Variants in MRPL43 observed in about 807,000 individuals in gnomAD.
MRPL43 encodes the protein large ribosomal subunit protein mL43.
A neutral mutation model predicts 12.7 loss-of-function variants in MRPL43; 9 were observed. The observed-to-expected ratio is 0.71, with a 90% confidence interval of 0.43 to 1.24. MRPL43 has a LOEUF of 1.24. MRPL43 is among the 50% of genes most tolerant of loss of function. The probability of loss-of-function intolerance (pLI) is 0.00; values close to 1 mark genes in which losing one functional copy is unlikely to be tolerated. For synonymous variants in MRPL43, 116 were observed against 96.4 expected (o/e 1.20, Z -1.19); for missense variants, 211 against 229.2 (o/e 0.92, Z 0.51).
downstream of MRPL43, chr10:100,980,112 C>A: frequency 6.2e-7 from 1 of 1,614,074 alleles, no homozygotes; most frequent in Non-Finnish European, 8.5e-7. Context: ...ACCTTCGTCC[C>A]CCACGCCAGT....
chr10:100,984,429 T>C (rs781060343), downstream of MRPL43: 48 of 1,488,140 alleles, frequency 3.2e-5, no homozygotes, highest in South Asian at 6.6e-5. Flanking sequence ...TAAACACTTA[T>C]AGGTGAGGAC....
chr10:100,977,917 C>T (rs1451589669), downstream of MRPL43: 1 of 598,612 alleles, frequency 1.7e-6, no homozygotes. Flanking sequence ...AAAAACCATG[C>T]AGTTTTTATA....
downstream of MRPL43, chr10:100,981,605 A>T (rs1184584347): frequency 1.3e-6 from 2 of 1,585,426 alleles, no homozygotes; most frequent in East Asian, 4.5e-5. Flanking sequence ...ACTGTGTGCC[A>T]GACACTGATC....
At chr10:100,983,405 C>CA, downstream of MRPL43, 1 of 1,612,406 alleles carries the variant, frequency 6.2e-7, no homozygotes, top group Non-Finnish European at 8.5e-7. Flanking sequence ...TGTGGCTACT[C>CA]AATGGGAGCA....
At chr10:100,984,745 C>A (rs867056759), downstream of MRPL43, 51 of 1,536,164 alleles carry the variant, frequency 3.3e-5, no homozygotes, top group African/African-American at 5.6e-4. Flanking sequence ...TGGTCCTCTT[C>A]CCCAGCCCCA....
downstream of MRPL43, chr10:100,980,837 G>A (rs1353345900): frequency 6.3e-7 from 1 of 1,580,010 alleles, no homozygotes; most frequent in East Asian, 2.2e-5. Flanking sequence ...CCTCTATGTG[G>A]GGGCTCCTAG....
At chr10:100,981,686 C>T, downstream of MRPL43, 2 of 1,032,768 alleles carry the variant, frequency 1.9e-6, no homozygotes, top group Non-Finnish European at 2.8e-6. Flanking sequence ...TATTATTATC[C>T]CCATGAGGGA....
At chr10:100,987,288 C>T in intron 1 of MRPL43, 25 bp downstream of exon 1, 1 of 1,611,882 alleles carries the variant, frequency 6.2e-7, no homozygotes, top group Non-Finnish European at 8.5e-7. Flanking sequence ...CCCCGACCCG[C>T]GCCTGCGCAC....
At chr10:100,979,137 G>A (rs766970037), downstream of MRPL43, 5 of 1,614,072 alleles carry the variant, frequency 3.1e-6, no homozygotes, top group Non-Finnish European at 4.2e-6. Context: ...TGCAGAAGAA[G>A]TGGACTTCCT....
downstream of MRPL43, chr10:100,984,433 T>G (rs1851317720): frequency 4.7e-6 from 7 of 1,492,828 alleles, no homozygotes; most frequent in Middle Eastern, 2.2e-4. Flanking sequence ...CACTTATAGG[T>G]GAGGACTCCA....
Position 100,987,488 on chromosome 10 carries a change from G to T in MRPL43, c.-45C>A. Reference sequence around the variant, plus strand: ...CGGAGCCTAAGCAGCGAGGAGAGGGGGGCGGGACTAAACCTCGAGGCTTCC... The same window carrying T: ...CGGAGCCTAAGCAGCGAGGAGAGGGTGGCGGGACTAAACCTCGAGGCTTCC... On this transcript the variant is annotated 5_prime_UTR_variant, in exon 1 of 3. Transcript: ENST00000318364. 6.2e-7 allele frequency: 1 copy of T among 1,600,690 alleles called. No homozygotes were observed. The highest frequency in any genetic ancestry group is 8.5e-7 in the Non-Finnish European group (1 of 1,174,130).
downstream of MRPL43, chr10:100,980,921 C>T (rs1449228698): frequency 6.2e-7 from 1 of 1,612,256 alleles, no homozygotes; most frequent in Non-Finnish European, 8.5e-7. Flanking sequence ...GGCCCGAGAC[C>T]CCTACTGTGG....
chr10:100,981,224 A>T (rs534283434), downstream of MRPL43: 6 of 1,614,072 alleles, frequency 3.7e-6, no homozygotes, highest in Non-Finnish European at 4.2e-6. Context: ...AGCAGCAGGG[A>T]TACAGGTAAG....
chr10:100,983,705 T>C (rs1851254882), downstream of MRPL43: 1 of 1,613,558 alleles, frequency 6.2e-7, no homozygotes, highest in Non-Finnish European at 8.5e-7. Flanking sequence ...CCCTCCTCTA[T>C]GTGGCCTGTC....
downstream of MRPL43, chr10:100,979,310 C>G (rs374476873): frequency 1.4e-5 from 23 of 1,613,940 alleles, no homozygotes; most frequent in Admixed American, 1.3e-4. Context: ...AAACTGCGGA[C>G]AGCATAGGGG....
downstream of MRPL43, chr10:100,980,994 G>C (rs2133888016): frequency 6.3e-7 from 1 of 1,596,338 alleles, no homozygotes; most frequent in East Asian, 2.2e-5. Flanking sequence ...TCCCAGGGAA[G>C]CAGGTGGGAA....
chr10:100,984,812 G>A (rs1851348837), downstream of MRPL43: 1 of 1,532,734 alleles, frequency 6.5e-7, no homozygotes, highest in Non-Finnish European at 8.7e-7. Context: ...AGGTAAGACT[G>A]CATCACTCCC....
chr10:100,978,521 C>A, downstream of MRPL43: 1 of 1,612,938 alleles, frequency 6.2e-7, no homozygotes, highest in Non-Finnish European at 8.5e-7. Flanking sequence ...AATATCCCCA[C>A]GCCAGATGGA....
downstream of MRPL43, among the ~76,000 whole-genome samples, chr10:100,983,021 T>G (rs1851187785): frequency 6.6e-6 from 1 of 152,160 alleles, no homozygotes; most frequent in South Asian, 2.1e-4. Context: ...GAGAGAAGTC[T>G]GAGGTAGAGA....
Sources: allele counts gnomAD v4.1 joint callset (sites outside exome capture counted in the v4.1 genomes callset), GRCh38; gene constraint gnomAD v4.1.1; transcripts MANE v1.5; gene names NCBI Gene and HGNC (gene_info 2026-07-23, HGNC 2026-07-21).